The following LINGO2 variants were observed in gnomAD, a reference collection of about 807,000 sequenced individuals.
LINGO2 encodes leucine rich repeat and Ig domain containing 2, also known as leucine-rich repeat and immunoglobulin-like domain-containing nogo receptor-interacting protein 2.
A neutral mutation model predicts 30.6 loss-of-function variants in LINGO2; 14 were observed. The observed-to-expected ratio is 0.46, with a 90% CI of 0.30 to 0.72. The LOEUF (loss-of-function observed/expected upper bound fraction) is 0.72, where lower values mean the gene tolerates loss of function less well. Among genes scored for constraint, LINGO2 ranks in the 30% least tolerant of loss-of-function variants. The probability of loss-of-function intolerance (pLI) is 0.07; values close to 1 mark genes in which losing one functional copy is unlikely to be tolerated. For missense variants in LINGO2, 729 were observed against 751.7 expected (o/e 0.97, Z 0.35); for synonymous variants, 317 against 288.5 (o/e 1.10, Z -1.00).
intron 5 of LINGO2, among the ~76,000 whole-genome samples, chr9:27,993,709 T>C (rs1213252352): frequency 1.3e-5 from 2 of 152,168 alleles, no homozygotes; most frequent in African/African-American, 4.8e-5. Flanking sequence ...GTGCTAGTCT[T>C]CACTACTTTA....
At chr9:28,110,224 C>A (rs1826733404) in intron 4 of LINGO2, among the ~76,000 whole-genome samples, 1 of 152,178 alleles carries the variant, frequency 6.6e-6, no homozygotes, top group South Asian at 2.1e-4. Flanking sequence ...CCCTTCCTTA[C>A]ACCTTATATA....
intron 2 of LINGO2, among the ~76,000 whole-genome samples, chr9:28,471,083 A>G (rs968880207): frequency 2.6e-5 from 4 of 152,024 alleles, no homozygotes; most frequent in Non-Finnish European, 5.9e-5. Flanking sequence ...CTAAATTTCC[A>G]TGTACCTTTT....
At chr9:28,730,049 T>C in the LINGO2 span, among the ~76,000 whole-genome samples, 2 of 152,124 alleles carry the variant, frequency 1.3e-5, no homozygotes, top group Non-Finnish European at 2.9e-5. Context: ...AAAATAATTT[T>C]AACTTGGATT....
At chr9:28,677,835 G>T in the LINGO2 span, among the ~76,000 whole-genome samples, 1 of 152,008 alleles carries the variant, frequency 6.6e-6, no homozygotes, top group Non-Finnish European at 1.5e-5. Flanking sequence ...ATGGTAGGAA[G>T]ATCAGGCAGT....
At chr9:29,175,661 G>A in the LINGO2 span, among the ~76,000 whole-genome samples, 3 of 151,590 alleles carry the variant, frequency 2.0e-5, no homozygotes, top group Non-Finnish European at 2.9e-5. Context: ...TGAGTAGCTG[G>A]GATTGCAGGC....
At chr9:29,036,320 T>C in the LINGO2 span, among the ~76,000 whole-genome samples, 6 of 152,044 alleles carry the variant, frequency 3.9e-5, no homozygotes, top group African/African-American at 1.4e-4. Flanking sequence ...TCCTATGAAA[T>C]TTGTGATATT....
At chr9:28,698,034 C>T in the LINGO2 span, among the ~76,000 whole-genome samples, 4 of 152,126 alleles carry the variant, frequency 2.6e-5, no homozygotes, top group Non-Finnish European at 5.9e-5. Flanking sequence ...CTATGTAAAA[C>T]TGGTTCTATG....
the LINGO2 span, among the ~76,000 whole-genome samples, chr9:28,959,612 T>TCTCTCTCACACACA: frequency 1.1e-4 from 15 of 132,222 alleles, no homozygotes; most frequent in East Asian, 2.0e-3. Context: ...TCTCTCTCCC[T>TCTCTCTCACACACA]CACACACACA....
At chr9:29,179,026 G>C in the LINGO2 span, among the ~76,000 whole-genome samples, 5 of 151,220 alleles carry the variant, frequency 3.3e-5, no homozygotes, top group Non-Finnish European at 7.4e-5. Context: ...GACTCAAAGG[G>C]ATATAGGCTG....
chr9:27,969,794 C>G lies in LINGO2; in HGVS notation c.-35-19088G>C, dbSNP rs185267880. 4.6e-5 allele frequency among the ~76,000 whole-genome samples: 7 copies of G among 152,122 alleles called. No homozygotes were observed. The South Asian group carries it at 1.5e-3, about 32-fold the overall frequency. ...CCTTTAACAGAATAGGCAATTGAGT[C>G]TCAGGAGATCTGAGCTACTAGATCA... On this transcript the variant is annotated intron_variant, in intron 5 of 5. Coordinates refer to ENST00000379992, the Ensembl canonical transcript of LINGO2.
intron 4 of LINGO2, among the ~76,000 whole-genome samples, chr9:28,097,727 C>G: frequency 6.7e-6 from 1 of 149,648 alleles, no homozygotes; most frequent in Admixed American, 6.7e-5. Flanking sequence ...GGAGATATAC[C>G]TAATGCTAAA....
chr9:28,221,526 G>A (rs1368992936), intron 4 of LINGO2, among the ~76,000 whole-genome samples: 1 of 152,070 alleles, frequency 6.6e-6, no homozygotes, highest in Non-Finnish European at 1.5e-5. Flanking sequence ...TTTAAAAAAA[G>A]CATATGATTT....
chr9:28,174,946 GAGAC>G (rs1828708511), intron 4 of LINGO2, among the ~76,000 whole-genome samples: 1 of 150,640 alleles, frequency 6.6e-6, no homozygotes. Flanking sequence ...GAGAGAGAGA[GAGAC>G]AGACAGAGAG....
chr9:28,563,505 AT>A (rs963230817), intron 1 of LINGO2, among the ~76,000 whole-genome samples: 5 of 152,172 alleles, frequency 3.3e-5, no homozygotes, highest in African/African-American at 4.8e-5. Context: ...ATTTGCTTGC[AT>A]TATAAAAATA....
At chr9:28,860,572 GA>G in the LINGO2 span, among the ~76,000 whole-genome samples, 2 of 151,292 alleles carry the variant, frequency 1.3e-5, no homozygotes, top group African/African-American at 4.8e-5. Context: ...TCTATAGATA[GA>G]AGAAAGATAG....
intron 4 of LINGO2, among the ~76,000 whole-genome samples, chr9:28,152,725 G>T (rs1448484278): frequency 6.6e-6 from 1 of 152,046 alleles, no homozygotes; most frequent in African/African-American, 2.4e-5. Context: ...ATTCAGAGTG[G>T]ATCAAATAAT....
At chr9:28,877,507 G>A in the LINGO2 span, among the ~76,000 whole-genome samples, 63 of 152,114 alleles carry the variant, frequency 4.1e-4, no homozygotes, top group Non-Finnish European at 7.4e-4. Flanking sequence ...ATTAAATAGG[G>A]AATCCTTTCC....
At position 28,382,932 on chromosome 9, in the gene LINGO2, A is replaced by G. The variant is rs536240020; in HGVS notation, c.-278-10064T>C. 1.1e-3 allele frequency among the ~76,000 whole-genome samples: 163 copies of G among 152,190 alleles called. 2 individuals carry two copies. The highest frequency in any genetic ancestry group is 5.0e-3 in the South Asian group (24 of 4,826). On this transcript the variant is annotated intron_variant, in intron 2 of 5. Transcript: ENST00000379992. ...ATCATTTTTTCATACCTGCTTCCAA[A>G]CAGGATTTGTAGAGATTTATTTCAT...
intron 5 of LINGO2, among the ~76,000 whole-genome samples, chr9:27,973,151 A>G (rs555206669): frequency 6.6e-6 from 1 of 152,248 alleles, no homozygotes; most frequent in East Asian, 1.9e-4. Context: ...TGATCCAATG[A>G]CCATAAATCT....
Sources: gnomAD v4.1 joint callset for allele counts (sites outside exome capture counted in the v4.1 genomes callset) on GRCh38, gnomAD v4.1.1 for gene constraint, MANE v1.5 for transcripts, NCBI Gene and HGNC (gene_info 2026-07-23, HGNC 2026-07-21) for gene names.